SAMSN1: variants seen among roughly 807,000 people sequenced by gnomAD.
The protein encoded by SAMSN1 is SAM domain-containing protein SAMSN-1.
Under a neutral mutation model 42.0 loss-of-function variants are expected in SAMSN1, and 31 were observed. The observed-to-expected ratio is 0.74, with a 90% CI of 0.55 to 1.00. The LOEUF is 1.00. Ranked by LOEUF, SAMSN1 falls within the 50% of genes least tolerant of loss-of-function variation. The probability of loss-of-function intolerance (pLI) is 0.00; values close to 1 mark genes in which losing one functional copy is unlikely to be tolerated. For missense variants in SAMSN1, 464 were observed against 439.4 expected (o/e 1.06, Z -0.50); for synonymous variants, 178 against 151.9 (o/e 1.17, Z -1.26).
intron 5 of SAMSN1, among the ~76,000 whole-genome samples, chr21:14,607,818 A>C (rs937239073): frequency 6.6e-6 from 1 of 152,248 alleles, no homozygotes; most frequent in African/African-American, 2.4e-5. Flanking sequence ...AAAAATTTAC[A>C]TCTAAAATAA....
At chr21:14,575,517 C>T (rs569634849) in intron 2 of SAMSN1, among the ~76,000 whole-genome samples, 1 of 152,286 alleles carries the variant, frequency 6.6e-6, no homozygotes, top group African/African-American at 2.4e-5. Flanking sequence ...TTTTACCTTT[C>T]CATCCCACAA....
At chr21:14,543,132 T>G (rs1458716322) in intron 1 of SAMSN1, among the ~76,000 whole-genome samples, 3 of 152,218 alleles carry the variant, frequency 2.0e-5, no homozygotes, top group African/African-American at 4.8e-5. Flanking sequence ...CCCTTAGAAG[T>G]TATTAACATT....
chr21:14,577,055 T>TTTTTTC, intron 2 of SAMSN1, among the ~76,000 whole-genome samples: 1 of 121,168 alleles, frequency 8.3e-6, no homozygotes, highest in African/African-American at 3.6e-5. Flanking sequence ...TTTCTTTTTT[T>TTTTTTC]TTTTTTTTTT....
intron 2 of SAMSN1, among the ~76,000 whole-genome samples, chr21:14,581,509 C>T (rs1422449142): frequency 6.6e-6 from 1 of 150,670 alleles, no homozygotes; most frequent in Non-Finnish European, 1.5e-5. Flanking sequence ...CAGGTGCCCG[C>T]CACCACGCCC....
intron 1 of SAMSN1, among the ~76,000 whole-genome samples, chr21:14,651,125 A>C (rs1983827951): frequency 6.6e-6 from 1 of 152,010 alleles, no homozygotes; most frequent in African/African-American, 2.4e-5. Context: ...TACCAATCTT[A>C]CTCAAACTAT....
chr21:14,497,178 G>T (rs928419448), intron 7 of SAMSN1, among the ~76,000 whole-genome samples: 1 of 152,238 alleles, frequency 6.6e-6, no homozygotes, highest in East Asian at 1.9e-4. Context: ...TCATAAAAAT[G>T]AGGGCGGTAG....
chr21:14,514,390 T>C (rs1165473715), intron 3 of SAMSN1, among the ~76,000 whole-genome samples: 1 of 152,184 alleles, frequency 6.6e-6, no homozygotes, highest in Non-Finnish European at 1.5e-5. Context: ...ATTTTAACCA[T>C]GACCTGATTT....
chr21:14,521,287 T>C, intron 1 of SAMSN1, 66 bp from the exon 2 acceptor site: 1 of 1,030,308 alleles, frequency 9.7e-7, no homozygotes, highest in Non-Finnish European at 1.5e-6. Context: ...AACTGATAAG[T>C]ATATTAGATT....
chr21:14,542,358 G>A (rs1338129623), intron 1 of SAMSN1, among the ~76,000 whole-genome samples: 2 of 152,050 alleles, frequency 1.3e-5, no homozygotes, highest in East Asian at 3.9e-4. Flanking sequence ...TTATGCCTTA[G>A]GCTCTACATA....
intron 5 of SAMSN1, among the ~76,000 whole-genome samples, chr21:14,508,899 G>C (rs1987547242): frequency 1.3e-5 from 2 of 152,114 alleles, no homozygotes; most frequent in Admixed American, 1.3e-4. Context: ...GGAGGCTGAG[G>C]TGGGTGGATC....
rs1160474145 is a variant in SAMSN1 at position 14,626,367 on chromosome 21, T to C, written c.157-10351A>G. Among the ~76,000 whole-genome samples, 9 of 152,280 alleles carry C rather than the reference T, an allele frequency of 5.9e-5. 1 individual carries two copies. The South Asian group carries it at 1.0e-3, about 18-fold the overall frequency. ...AACCTATAGAGTGGGAGAAAATTTTTGCAATCTACTCATCTGACAAAGGGC... is the reference window on the plus strand; with the variant it reads ...AACCTATAGAGTGGGAGAAAATTTTCGCAATCTACTCATCTGACAAAGGGC... On this transcript the variant is annotated intron_variant, in intron 2 of 15. Coordinates refer to the SAMSN1 transcript ENST00000647101.
chr21:14,562,027 G>T (rs1468969995), intron 2 of SAMSN1, among the ~76,000 whole-genome samples: 1 of 152,178 alleles, frequency 6.6e-6, no homozygotes, highest in African/African-American at 2.4e-5. Flanking sequence ...ATCTGTGGCT[G>T]TAAGCCACCC....
intron 7 of SAMSN1, chr21:14,592,495 G>A (rs1982116776): frequency 5.6e-6 from 1 of 178,978 alleles, no homozygotes; most frequent in Admixed American, 6.2e-5. Context: ...GTGAACTTGA[G>A]TGAGCCACTT....
chr21:14,581,489 G>A (rs8132650), intron 2 of SAMSN1, among the ~76,000 whole-genome samples: 13,572 of 148,966 alleles, frequency 0.091, 1,580 homozygotes, highest in African/African-American at 0.27. Flanking sequence ...CTCCCGAGTA[G>A]CTGGAACTAC....
chr21:14,622,558 G>C (rs1983043324), intron 2 of SAMSN1, among the ~76,000 whole-genome samples: 1 of 152,198 alleles, frequency 6.6e-6, no homozygotes, highest in Non-Finnish European at 1.5e-5. Flanking sequence ...GAAATGAGAA[G>C]AGAAGTTTAG....
intron 2 of SAMSN1, among the ~76,000 whole-genome samples, chr21:14,618,677 T>TGCGCGC (rs1435463172): frequency 4.3e-5 from 4 of 93,762 alleles, no homozygotes; most frequent in African/African-American, 1.6e-4. Flanking sequence ...TGTGTGTGTG[T>TGCGCGC]GTGTGTGTGT....
At chr21:14,599,886 T>C (rs1010716283) in intron 6 of SAMSN1, among the ~76,000 whole-genome samples, 6 of 152,200 alleles carry the variant, frequency 3.9e-5, no homozygotes, top group African/African-American at 1.4e-4. Flanking sequence ...GTTTCTTTAT[T>C]TTGTGTTGTA....
At chr21:14,608,452 TG>T (rs1348867858) in intron 5 of SAMSN1, among the ~76,000 whole-genome samples, 1 of 152,150 alleles carries the variant, frequency 6.6e-6, no homozygotes, top group Non-Finnish European at 1.5e-5. Context: ...CCCTCCACAG[TG>T]GGCTGAAGCA....
chr21:14,581,340 A>ATTTTTTTTTTTT (rs1404934178), intron 2 of SAMSN1, among the ~76,000 whole-genome samples: 15 of 22,536 alleles, frequency 6.7e-4, no homozygotes, highest in Non-Finnish European at 1.3e-3. Context: ...GGGAAATAAT[A>ATTTTTTTTTTTT]TTTCTTTTTT....
Sources: gnomAD v4.1 joint callset for allele counts (sites outside exome capture counted in the v4.1 genomes callset) on GRCh38, gnomAD v4.1.1 for gene constraint, MANE v1.5 for transcripts, NCBI Gene and HGNC (gene_info 2026-07-23, HGNC 2026-07-21) for gene names.